Variants in NECAB2 observed in about 807,000 individuals in gnomAD.
The protein encoded by NECAB2 is N-terminal EF-hand calcium-binding protein 2.
Under a neutral mutation model 51.9 loss-of-function variants are expected in NECAB2, and 68 were observed. The ratio of observed to expected loss-of-function variants is 1.31; its 90% CI spans 1.08 to 1.60. NECAB2 has a LOEUF of 1.60. NECAB2 is among the 40% of genes most tolerant of loss of function. The pLI is 0.00. For missense variants in NECAB2, 854 were observed against 490.3 expected, an observed-to-expected ratio of 1.74 and a Z score of -7.00; for synonymous variants, 329 against 203.5, an observed-to-expected ratio of 1.62 and a Z score of -5.25.
upstream of NECAB2, chr16:83,965,904 C>T (rs1303362769): frequency 1.9e-6 from 3 of 1,612,736 alleles, no homozygotes; most frequent in Non-Finnish European, 2.5e-6. Flanking sequence ...GGCCTGTACG[C>T]CATGGGGCCG....
At chr16:83,998,930 G>T (rs141713090) in intron 10 of NECAB2, among the ~76,000 whole-genome samples, 1 of 152,186 alleles carries the variant, frequency 6.6e-6, no homozygotes, top group African/African-American at 2.4e-5. Flanking sequence ...GAGTGGAGGG[G>T]GTTGCAGAAG....
chr16:83,988,395 A>C (rs917943145), intron 5 of NECAB2, among the ~76,000 whole-genome samples: 1 of 152,166 alleles, frequency 6.6e-6, no homozygotes, highest in Admixed American at 6.5e-5. Context: ...TCTTAATCCT[A>C]TTTTTATACT....
intron 11 of NECAB2, among the ~76,000 whole-genome samples, chr16:84,001,019 C>T (rs1446454459): frequency 6.6e-6 from 1 of 152,056 alleles, no homozygotes; most frequent in East Asian, 1.9e-4. Flanking sequence ...GCTGGGCTTT[C>T]CTGCTTTCCC....
chr16:83,965,355 C>A (rs760158641), upstream of NECAB2: 16 of 1,571,150 alleles, frequency 1.0e-5, no homozygotes, highest in Admixed American at 3.5e-5. Context: ...CCCGGGGAGG[C>A]CCTGCCCTTC....
upstream of NECAB2, chr16:83,965,928 A>T (rs200121755): frequency 6.5e-4 from 1,055 of 1,612,592 alleles, 1 homozygote; most frequent in Non-Finnish European, 4.2e-4. Flanking sequence ...GCCGGGGACA[A>T]CTTCGTGAGG....
At chr16:83,996,054 G>A (rs2084693913) in intron 8 of NECAB2, among the ~76,000 whole-genome samples, 1 of 152,242 alleles carries the variant, frequency 6.6e-6, no homozygotes. Context: ...CGGGCGGTCA[G>A]CAGGGGCCAA....
At position 84,002,450 on chromosome 16, in the gene NECAB2, A is replaced by G. The variant is rs1166080221; in HGVS notation, c.*104A>G. On this transcript the variant is annotated 3_prime_UTR_variant, in exon 13 of 13. Coordinates refer to ENST00000305202, the MANE Select transcript of NECAB2 (RefSeq NM_019065.3). ...ACTTTGGTGCAGAAGCTTCTTTTCAATCCATCCTCCACAAGAAGGTGTTTC... is the reference window on the plus strand; with the variant it reads ...ACTTTGGTGCAGAAGCTTCTTTTCAGTCCATCCTCCACAAGAAGGTGTTTC... The G allele has an allele frequency of 1.4e-6, 2 of 1,421,468 alleles. No homozygotes were observed. Among genetic ancestry groups the G allele is most frequent in the Non-Finnish European group, 2.0e-6 (2 of 1,012,730 alleles). The allele number at this position is 1,421,468 out of a possible 1,614,324, so 88.1% of individuals were successfully genotyped here.
intron 11 of NECAB2, among the ~76,000 whole-genome samples, chr16:84,001,183 C>T (rs111543233): frequency 6.8e-4 from 104 of 152,246 alleles, no homozygotes; most frequent in African/African-American, 2.4e-3. Flanking sequence ...ACTAACCTCC[C>T]CTCCAGCTGA....
Position 83,994,933 on chromosome 16 carries a change from C to T in NECAB2, c.795+245C>T, listed in dbSNP as rs543865434. Among the ~76,000 whole-genome samples the T allele has an allele frequency of 8.5e-5, 13 of 152,254 alleles. No individual in the cohort carries two copies. The East Asian group carries it at 2.1e-3, about 25-fold the overall frequency. On this transcript the variant is annotated intron_variant, in intron 8 of 12. Coordinates refer to ENST00000305202, the MANE Select transcript of NECAB2 (RefSeq NM_019065.3). Reference sequence around the variant, plus strand: ...AGAGAGTGTTGGGGGGTCAGGCGGGCCTGCAGGCAGCAGGAGCAGCTCCAG... The same window carrying T: ...AGAGAGTGTTGGGGGGTCAGGCGGGTCTGCAGGCAGCAGGAGCAGCTCCAG...
intron 5 of NECAB2, among the ~76,000 whole-genome samples, chr16:83,986,832 C>A (rs2084563200): frequency 6.6e-6 from 1 of 152,058 alleles, no homozygotes; most frequent in Admixed American, 6.6e-5. Flanking sequence ...CAGAAGAGAA[C>A]TCTTTGAATT....
intron 10 of NECAB2, 142 bp downstream of exon 10, chr16:83,998,459 G>A: frequency 1.3e-6 from 1 of 766,288 alleles, no homozygotes; most frequent in Non-Finnish European, 2.1e-6. Context: ...TAAGAAGTGG[G>A]TTCAGGTCTC....
chr16:83,969,906 T>G (rs1028046830), intron 1 of NECAB2, among the ~76,000 whole-genome samples: 2 of 152,132 alleles, frequency 1.3e-5, no homozygotes, highest in African/African-American at 4.8e-5. Context: ...TCTTCCCTGC[T>G]CCTGGAACCC....
chr16:83,996,960 C>T (rs570104513), intron 8 of NECAB2, among the ~76,000 whole-genome samples: 1 of 152,054 alleles, frequency 6.6e-6, no homozygotes, highest in Non-Finnish European at 1.5e-5. Flanking sequence ...TAGTGGCAAA[C>T]CCCAGCATCT....
At position 83,978,884 on chromosome 16, in the gene NECAB2, T is replaced by G. The variant is rs77318547; in HGVS notation, c.335+332T>G. Among the ~76,000 whole-genome samples, 1,143 of 152,228 alleles carry G rather than the reference T, an allele frequency of 7.5e-3. 13 individuals carry two copies. The highest frequency in any genetic ancestry group is 0.027 in the African/African-American group (1,114 of 41,520). ...GCCATCTTCAGCCAGCAGCCAGTTCTCACCCCAACCCCAATGCCTGTGTGT... is the reference window on the plus strand; with the variant it reads ...GCCATCTTCAGCCAGCAGCCAGTTCGCACCCCAACCCCAATGCCTGTGTGT... On this transcript the variant is annotated intron_variant, in intron 3 of 12. Transcript: ENST00000305202.
intron 8 of NECAB2, 26 bp from the exon 9 acceptor site, chr16:83,997,190 C>A: frequency 6.2e-7 from 1 of 1,613,978 alleles, no homozygotes; most frequent in East Asian, 2.2e-5. Context: ...CTGGGTCTAG[C>A]ATCACTGTGT....
At chr16:83,989,868 T>G (rs1026946559) in intron 5 of NECAB2, among the ~76,000 whole-genome samples, 1 of 152,162 alleles carries the variant, frequency 6.6e-6, no homozygotes, top group East Asian at 1.9e-4. Context: ...CCTCTCTGAT[T>G]TCCCCCCAGG....
In NECAB2 at chr16:83,994,760, C is replaced by A. The variant is rs533887160; in HGVS notation, c.795+72C>A. 8 of 1,550,248 alleles carry A rather than the reference C, an allele frequency of 5.2e-6. No individual in the cohort carries two copies. The East Asian group carries it at 1.4e-4, about 26-fold the overall frequency. Reference sequence around the variant, plus strand: ...GGAGTGCAGAGTTAAGCCTGGAGTTCAGGACAAAAGTCTGGGCTGCAGAGG... The same window carrying A: ...GGAGTGCAGAGTTAAGCCTGGAGTTAAGGACAAAAGTCTGGGCTGCAGAGG... On this transcript the variant is annotated intron_variant, in intron 8 of 12. Coordinates refer to ENST00000305202, the MANE Select transcript of NECAB2 (RefSeq NM_019065.3).
intron 5 of NECAB2, among the ~76,000 whole-genome samples, chr16:83,988,904 C>G (rs1429109690): frequency 6.6e-6 from 1 of 152,154 alleles, no homozygotes; most frequent in Non-Finnish European, 1.5e-5. Flanking sequence ...GGGGTTGTAT[C>G]TTTACATGGG....
intron 6 of NECAB2, among the ~76,000 whole-genome samples, chr16:83,992,415 A>G (rs1041629829): frequency 1.4e-5 from 2 of 142,632 alleles, no homozygotes; most frequent in African/African-American, 5.7e-5. Context: ...CAAATTGAGA[A>G]AAACCCTTCT....
Sources: gnomAD v4.1 joint callset for allele counts (sites outside exome capture counted in the v4.1 genomes callset) on GRCh38, gnomAD v4.1.1 for gene constraint, MANE v1.5 for transcripts, NCBI Gene and HGNC (gene_info 2026-07-23, HGNC 2026-07-21) for gene names.